The following ERC2 variants were observed in gnomAD, a reference collection of about 807,000 sequenced individuals.
ERC2 encodes the protein ELKS/RAB6-interacting/CAST family member 2.
In ERC2, 42 loss-of-function variants were observed where a neutral mutation model predicts 114.8. The ratio of observed to expected loss-of-function variants is 0.37; its 90% CI spans 0.29 to 0.47. ERC2 has a LOEUF of 0.47. Ranked by LOEUF, ERC2 falls within the 20% of genes least tolerant of loss-of-function variation. The probability of loss-of-function intolerance (pLI) is 0.99; values close to 1 mark genes in which losing one functional copy is unlikely to be tolerated. For missense variants in ERC2, 939 were observed against 1,150.7 expected (o/e 0.82, Z 2.66); for synonymous variants, 454 against 425.5 (o/e 1.07, Z -0.82).
At chr3:55,768,917 T>C (rs1054604455) in intron 14 of ERC2, among the ~76,000 whole-genome samples, 1 of 152,158 alleles carries the variant, frequency 6.6e-6, no homozygotes, top group African/African-American at 2.4e-5. Context: ...TACCCTAAGA[T>C]TATCCCTGTG....
chr3:55,997,889 T>C (rs1239490764), intron 10 of ERC2, among the ~76,000 whole-genome samples: 2 of 50,624 alleles, frequency 4.0e-5, no homozygotes, highest in African/African-American at 1.2e-4. Flanking sequence ...TGTTTTTTTT[T>C]TTTTTTTTTT....
chr3:55,940,537 A>C (rs540585791), intron 13 of ERC2, among the ~76,000 whole-genome samples: 4 of 152,306 alleles, frequency 2.6e-5, no homozygotes, highest in African/African-American at 9.6e-5. Context: ...GCAGCAGCCC[A>C]GTAATGCATG....
chr3:56,114,322 C>T (rs1274376968), intron 6 of ERC2, among the ~76,000 whole-genome samples: 1 of 152,162 alleles, frequency 6.6e-6, no homozygotes, highest in African/African-American at 2.4e-5. Flanking sequence ...AGTCCATGGT[C>T]AGTGGTCTTC....
At chr3:56,428,898 G>A (rs887142297) in intron 2 of ERC2, among the ~76,000 whole-genome samples, 1 of 152,186 alleles carries the variant, frequency 6.6e-6, no homozygotes, top group Admixed American at 6.5e-5. Flanking sequence ...GTAAATATTA[G>A]ATCTAGTACA....
intron 10 of ERC2, among the ~76,000 whole-genome samples, chr3:55,999,387 C>T (rs781291847): frequency 1.7e-4 from 26 of 152,178 alleles, no homozygotes; most frequent in Non-Finnish European, 2.8e-4. Context: ...TAAAAGGTTC[C>T]TTTCGACCCT....
intron 2 of ERC2, among the ~76,000 whole-genome samples, chr3:56,317,985 A>G (rs1279997007): frequency 6.6e-6 from 1 of 152,186 alleles, no homozygotes; most frequent in Non-Finnish European, 1.5e-5. Flanking sequence ...AAACATTCCT[A>G]AGGGTCTATA....
intron 17 of ERC2, among the ~76,000 whole-genome samples, chr3:55,587,500 T>C (rs189067563): frequency 2.0e-5 from 3 of 152,380 alleles, no homozygotes; most frequent in Non-Finnish European, 4.4e-5. Flanking sequence ...TATCCTTTTT[T>C]GTTTTGCAAT....
chr3:56,377,551 ATAAGT>A (rs1255699807), intron 2 of ERC2, among the ~76,000 whole-genome samples: 3 of 152,246 alleles, frequency 2.0e-5, no homozygotes, highest in Non-Finnish European at 4.4e-5. Flanking sequence ...ACTTTCAAAT[ATAAGT>A]TAAGATATCA....
At chr3:55,636,366 T>G (rs141656464) in intron 17 of ERC2, among the ~76,000 whole-genome samples, 1 of 152,108 alleles carries the variant, frequency 6.6e-6, no homozygotes, top group Non-Finnish European at 1.5e-5. Flanking sequence ...TGTTGTAACC[T>G]TGGGGAAATC....
chr3:55,566,982 T>C (rs1377671239), intron 17 of ERC2, among the ~76,000 whole-genome samples: 3 of 152,242 alleles, frequency 2.0e-5, no homozygotes, highest in Non-Finnish European at 4.4e-5. Flanking sequence ...ATTACAGGCA[T>C]AAGCCACTGT....
chr3:56,022,552 T>A (rs527759300), intron 7 of ERC2, among the ~76,000 whole-genome samples: 31 of 152,294 alleles, frequency 2.0e-4, no homozygotes, highest in Middle Eastern at 6.8e-3. Flanking sequence ...ATTCTGTATC[T>A]TTTAAAAAAA....
chr3:56,171,793 A>T (rs1003783847), intron 4 of ERC2, among the ~76,000 whole-genome samples: 6 of 151,366 alleles, frequency 4.0e-5, no homozygotes, highest in African/African-American at 1.5e-4. Flanking sequence ...TACCCACCAC[A>T]TTAGAAGAGA....
Position 55,885,991 on chromosome 3 carries a change from G to A in ERC2, c.2564+2398C>T, listed in dbSNP as rs149926748. ...TTCTCTCAAAATGTTGAAAGTATACGCTCCTTTTATAAACAGGAAGTAATT... is the reference window on the plus strand; with the variant it reads ...TTCTCTCAAAATGTTGAAAGTATACACTCCTTTTATAAACAGGAAGTAATT... On this transcript the variant is annotated intron_variant, in intron 14 of 17. Coordinates refer to ENST00000288221, the MANE Select transcript of ERC2 (RefSeq NM_015576.3). 9.2e-5 allele frequency among the ~76,000 whole-genome samples: 14 copies of A among 152,268 alleles called. No individual in the cohort carries two copies. In the East Asian group the frequency reaches 2.3e-3, roughly 25 times the overall value.
At chr3:55,770,668 G>T (rs186925018) in intron 14 of ERC2, among the ~76,000 whole-genome samples, 1 of 152,148 alleles carries the variant, frequency 6.6e-6, no homozygotes, top group East Asian at 1.9e-4. Context: ...TGTGCAGAAT[G>T]TGCAGGTTTG....
At position 56,139,519 on chromosome 3, in the gene ERC2, A is replaced by G; in HGVS notation, c.1463T>C (p.Leu488Pro). ...GAGAGAGTGCCTTACCTCAGTCTGA[A>G]GGATGGCAGCCCTCTGTTCTTTGGC... ...LTAKEQRAAI[L>P]QTEVDALRLR... The change falls in exon 6 of 18, where the codon CTT becomes CCT. Residue 488 changes from leucine to proline, a missense_variant. Coordinates refer to ENST00000288221, the MANE Select transcript of ERC2 (RefSeq NM_015576.3). 1 of 1,612,394 alleles carries G rather than the reference A, an allele frequency of 6.2e-7. No homozygotes were observed. The highest frequency in any genetic ancestry group is 8.5e-7 in the Non-Finnish European group (1 of 1,178,830).
At chr3:55,901,906 G>C (rs1470474846) in intron 13 of ERC2, among the ~76,000 whole-genome samples, 1 of 152,236 alleles carries the variant, frequency 6.6e-6, no homozygotes, top group African/African-American at 2.4e-5. Flanking sequence ...TCAGTGACTT[G>C]ATACCGACTG....
At chr3:55,786,434 C>G (rs1335862225) in intron 14 of ERC2, among the ~76,000 whole-genome samples, 1 of 152,176 alleles carries the variant, frequency 6.6e-6, no homozygotes, top group Non-Finnish European at 1.5e-5. Context: ...ACAATTAATT[C>G]CATGTGTGTA....
chr3:55,774,293 C>T (rs1203047090), intron 14 of ERC2, among the ~76,000 whole-genome samples: 2 of 152,282 alleles, frequency 1.3e-5, no homozygotes, highest in Non-Finnish European at 1.5e-5. Flanking sequence ...ATGTCAACAT[C>T]GGTTCAACTA....
intron 1 of ERC2, among the ~76,000 whole-genome samples, chr3:56,442,634 T>A (rs1384595570): frequency 6.6e-6 from 1 of 152,232 alleles, no homozygotes; most frequent in Admixed American, 6.5e-5. Flanking sequence ...GTTTTCGTTT[T>A]AACCCAAGAT....
Sources: allele counts gnomAD v4.1 joint callset (sites outside exome capture counted in the v4.1 genomes callset), GRCh38; gene constraint gnomAD v4.1.1; transcripts MANE v1.5; gene names NCBI Gene and HGNC (gene_info 2026-07-23, HGNC 2026-07-21).